The following NLGN1 variants were observed in gnomAD, a reference collection of about 807,000 sequenced individuals.
The protein encoded by NLGN1 is neuroligin-1.
Under a neutral mutation model 65.5 loss-of-function variants are expected in NLGN1, and 12 were observed. The observed-to-expected ratio is 0.18, with a 90% CI of 0.12 to 0.30. The LOEUF (loss-of-function observed/expected upper bound fraction) is 0.30, where lower values mean the gene tolerates loss of function less well. Ranked by LOEUF, NLGN1 falls within the 10% of genes least tolerant of loss-of-function variation. The pLI, the probability that NLGN1 is intolerant of heterozygous loss-of-function variation, is 1.00. For missense variants in NLGN1, 750 were observed against 1,007.1 expected (o/e 0.74, Z 3.46); for synonymous variants, 350 against 359.5 (o/e 0.97, Z 0.30).
At chr3:173,446,060 C>CTT (rs554305581) in intron 2 of NLGN1, among the ~76,000 whole-genome samples, 272 of 145,268 alleles carry the variant, frequency 1.9e-3, no homozygotes, top group South Asian at 8.2e-3. Context: ...TTCTTTTTTT[C>CTT]TTTTTTTTTT....
chr3:173,595,802 T>A (rs1749380435), intron 2 of NLGN1, among the ~76,000 whole-genome samples: 1 of 152,060 alleles, frequency 6.6e-6, no homozygotes, highest in African/African-American at 2.4e-5. Context: ...CAAGAGAAAA[T>A]GAGGAAGATG....
intron 4 of NLGN1, among the ~76,000 whole-genome samples, chr3:173,854,995 G>A (rs909130130): frequency 6.6e-6 from 1 of 152,082 alleles, no homozygotes; most frequent in African/African-American, 2.4e-5. Flanking sequence ...ACAGAGCAGT[G>A]TGTCTCTCCT....
At chr3:173,846,152 A>G (rs1725754684) in intron 4 of NLGN1, among the ~76,000 whole-genome samples, 1 of 152,172 alleles carries the variant, frequency 6.6e-6, no homozygotes, top group South Asian at 2.1e-4. Flanking sequence ...TATAATTCCT[A>G]AAACATGGTA....
At chr3:174,050,522 G>GA (rs1025041917) in intron 4 of NLGN1, among the ~76,000 whole-genome samples, 1 of 146,888 alleles carries the variant, frequency 6.8e-6, no homozygotes, top group East Asian at 2.0e-4. Flanking sequence ...TCAAGCCACT[G>GA]AAAAAATAAT....
intron 3 of NLGN1, among the ~76,000 whole-genome samples, chr3:173,786,593 A>G (rs1157961294): frequency 6.6e-6 from 1 of 152,206 alleles, no homozygotes; most frequent in African/African-American, 2.4e-5. Flanking sequence ...AAATATGTGT[A>G]GTATTTATAT....
At chr3:173,485,902 G>A (rs878899989) in intron 2 of NLGN1, among the ~76,000 whole-genome samples, 2 of 151,878 alleles carry the variant, frequency 1.3e-5, no homozygotes, top group Non-Finnish European at 2.9e-5. Flanking sequence ...AAATAGTCCA[G>A]GAAATGTCAC....
intron 3 of NLGN1, among the ~76,000 whole-genome samples, chr3:173,664,099 C>T (rs1761361933): frequency 6.6e-6 from 1 of 151,932 alleles, no homozygotes; most frequent in South Asian, 2.1e-4. Context: ...AAAAAATGTG[C>T]TTCTCCAAAA....
At chr3:174,219,035 C>T (rs1207353140) in intron 4 of NLGN1, among the ~76,000 whole-genome samples, 2 of 152,194 alleles carry the variant, frequency 1.3e-5, no homozygotes, top group East Asian at 3.9e-4. Flanking sequence ...AATCTTCCCT[C>T]ATTTTAAAAT....
intron 4 of NLGN1, among the ~76,000 whole-genome samples, chr3:173,900,551 A>G (rs1737153297): frequency 6.6e-6 from 1 of 151,984 alleles, no homozygotes; most frequent in African/African-American, 2.4e-5. Context: ...GTTTTGAATA[A>G]CTCTATCTCC....
chr3:173,579,383 G>T (rs1421800439), intron 2 of NLGN1, among the ~76,000 whole-genome samples: 1 of 152,190 alleles, frequency 6.6e-6, no homozygotes, highest in Non-Finnish European at 1.5e-5. Flanking sequence ...GGCTGACATG[G>T]GAGGATCACC....
At chr3:174,273,804 CTTTCA>C (rs1749958493) in intron 4 of NLGN1, among the ~76,000 whole-genome samples, 1 of 151,754 alleles carries the variant, frequency 6.6e-6, no homozygotes, top group South Asian at 2.1e-4. Context: ...TAACTAAGCA[CTTTCA>C]TTTCTTCAAA....
chr3:174,118,425 T>C (rs1015424151), intron 4 of NLGN1, among the ~76,000 whole-genome samples: 1 of 152,154 alleles, frequency 6.6e-6, no homozygotes, highest in Non-Finnish European at 1.5e-5. Flanking sequence ...TGTTGCAGGC[T>C]CTGAGAATTA....
intron 3 of NLGN1, among the ~76,000 whole-genome samples, chr3:173,671,052 G>T (rs1762378974): frequency 6.6e-6 from 1 of 152,084 alleles, no homozygotes; most frequent in African/African-American, 2.4e-5. Context: ...TTGAGGAATG[G>T]TGTATTATTA....
At chr3:173,721,244 G>T (rs1234086357) in intron 3 of NLGN1, among the ~76,000 whole-genome samples, 1 of 152,230 alleles carries the variant, frequency 6.6e-6, no homozygotes. Flanking sequence ...AGGTGAAAAT[G>T]AGCTTGGTGT....
intron 4 of NLGN1, among the ~76,000 whole-genome samples, chr3:174,128,480 A>G (rs1255510159): frequency 1.3e-5 from 2 of 152,164 alleles, no homozygotes; most frequent in African/African-American, 4.8e-5. Flanking sequence ...GGCTCAGTTG[A>G]ATGGAAAGAA....
chr3:173,669,412 T>C (rs1025625051), intron 3 of NLGN1, among the ~76,000 whole-genome samples: 1 of 152,210 alleles, frequency 6.6e-6, no homozygotes, highest in African/African-American at 2.4e-5. Context: ...AGAAAAGATC[T>C]GTTCCCGTCT....
chr3:173,655,622 T>G (rs528409815), intron 3 of NLGN1, among the ~76,000 whole-genome samples: 1 of 152,152 alleles, frequency 6.6e-6, no homozygotes, highest in African/African-American at 2.4e-5. Context: ...TTTCTTCACG[T>G]TGAAATTATT....
At chr3:173,712,818 A>C (rs1353920126) in intron 3 of NLGN1, among the ~76,000 whole-genome samples, 2 of 111,494 alleles carry the variant, frequency 1.8e-5, no homozygotes, top group Admixed American at 1.7e-4. Flanking sequence ...TTAAAGATAA[A>C]AAAATATACA....
intron 4 of NLGN1, among the ~76,000 whole-genome samples, chr3:174,104,267 G>A (rs1463178777): frequency 1.3e-5 from 2 of 151,996 alleles, no homozygotes; most frequent in Admixed American, 6.6e-5. Context: ...ATTGACTTGT[G>A]AGCTTTAAGA....
Sources: gnomAD v4.1 joint callset for allele counts (sites outside exome capture counted in the v4.1 genomes callset) on GRCh38, gnomAD v4.1.1 for gene constraint, MANE v1.5 for transcripts, NCBI Gene and HGNC (gene_info 2026-07-23, HGNC 2026-07-21) for gene names.